FCHO2: variants seen among roughly 807,000 people sequenced by gnomAD.
FCHO2 encodes FCH and mu domain containing endocytic adaptor 2.
Under a neutral mutation model 114.1 loss-of-function variants are expected in FCHO2, and 43 were observed. The ratio of observed to expected loss-of-function variants is 0.38; its 90% CI spans 0.30 to 0.49. The LOEUF (loss-of-function observed/expected upper bound fraction) is 0.49, where lower values mean the gene tolerates loss of function less well. Ranked by LOEUF, FCHO2 falls within the 20% of genes least tolerant of loss-of-function variation. The probability of loss-of-function intolerance (pLI) is 0.97; values close to 1 mark genes in which losing one functional copy is unlikely to be tolerated. For synonymous variants in FCHO2, 293 were observed against 315.2 expected (o/e 0.93, Z 0.75); for missense variants, 807 against 950.4 (o/e 0.85, Z 1.98).
intron 2 of FCHO2, among the ~76,000 whole-genome samples, chr5:72,977,468 G>C (rs1752953461): frequency 1.3e-5 from 2 of 152,020 alleles, no homozygotes; most frequent in African/African-American, 4.8e-5. Context: ...CTTTTTGATG[G>C]GGTTGTTTTT....
At chr5:73,039,679 G>A (rs1257430669) in intron 10 of FCHO2, among the ~76,000 whole-genome samples, 1 of 146,146 alleles carries the variant, frequency 6.8e-6, no homozygotes, top group Non-Finnish European at 1.5e-5. Context: ...TGTAAACCCA[G>A]CATTTTGGGA....
At chr5:73,046,166 G>A (rs1757044737) in intron 11 of FCHO2, among the ~76,000 whole-genome samples, 1 of 152,206 alleles carries the variant, frequency 6.6e-6, no homozygotes, top group Non-Finnish European at 1.5e-5. Flanking sequence ...CTTGGCTCAA[G>A]TGATCCTTCC....
intron 11 of FCHO2, among the ~76,000 whole-genome samples, chr5:73,044,910 C>A (rs1756983057): frequency 1.3e-5 from 2 of 151,910 alleles, no homozygotes. Flanking sequence ...CTGTATGGGC[C>A]CTAATATAGA....
intron 9 of FCHO2, 114 bp downstream of exon 9, chr5:73,034,815 G>A (rs1663752726): frequency 1.3e-6 from 1 of 754,202 alleles, no homozygotes; most frequent in Non-Finnish European, 2.0e-6. Context: ...CCTATGGAAT[G>A]GAATGCTGTA....
At chr5:72,973,697 T>A (rs1268921838) in intron 2 of FCHO2, among the ~76,000 whole-genome samples, 2 of 150,612 alleles carry the variant, frequency 1.3e-5, no homozygotes, top group African/African-American at 4.9e-5. Context: ...TGTGTCTCTA[T>A]TTCCTTCAGT....
rs1338990150 is a variant in FCHO2, at chr5:73,088,712, T to C, written c.*622T>C. The stretch of plus-strand genomic sequence containing the variant: ...TTTTAAAAAAAATTCTCAAGTGCAA[T>C]GTGTTTTAAAATAAGCTTGCAAATG... On this transcript the variant is annotated 3_prime_UTR_variant, in exon 26 of 26. Transcript: ENST00000430046. The C allele has an allele frequency of 6.6e-6, 1 of 152,636 alleles. No individual in the cohort carries two copies. The highest frequency in any genetic ancestry group is 1.9e-4 in the East Asian group (1 of 5,200). 9.5% of individuals were successfully genotyped at this position (152,636 alleles called of 1,614,324 possible).
At chr5:73,009,032 G>A (rs1396862151) in intron 6 of FCHO2, among the ~76,000 whole-genome samples, 1 of 152,200 alleles carries the variant, frequency 6.6e-6, no homozygotes, top group Non-Finnish European at 1.5e-5. Flanking sequence ...GGGCCTCAGG[G>A]CCAAGCTCTG....
At chr5:73,087,971 G>A in intron 25 of FCHO2, 97 bp from the exon 26 acceptor site, 1 of 1,520,510 alleles carries the variant, frequency 6.6e-7, no homozygotes, top group South Asian at 1.2e-5. Context: ...GTAAATAGCA[G>A]ATGGGAACTA....
At chr5:73,077,254 G>C (rs1742943606) in intron 20 of FCHO2, 84 bp from the exon 21 acceptor site, 1 of 1,252,168 alleles carries the variant, frequency 8.0e-7, no homozygotes, top group Non-Finnish European at 1.1e-6. Context: ...GTGCGCACGT[G>C]CACGCGTGTG....
At chr5:73,068,102 A>C (rs1479366999) in intron 18 of FCHO2, among the ~76,000 whole-genome samples, 1 of 152,094 alleles carries the variant, frequency 6.6e-6, no homozygotes, top group Non-Finnish European at 1.5e-5. Flanking sequence ...AAGGAGGAAA[A>C]TATTTGCAAG....
intron 5 of FCHO2, 120 bp downstream of exon 5, chr5:72,990,984 A>C (rs1300022873): frequency 1.7e-6 from 2 of 1,146,344 alleles, no homozygotes; most frequent in African/African-American, 3.1e-5. Flanking sequence ...ACTGTGCCTT[A>C]CAGTCCTAGT....
At chr5:72,990,902 GC>G in intron 5 of FCHO2, 38 bp downstream of exon 5, 2 of 1,511,790 alleles carry the variant, frequency 1.3e-6, no homozygotes. Context: ...TGGTTTCAAA[GC>G]ACCTTGACAT....
At position 73,019,498 on chromosome 5, in the gene FCHO2, G is replaced by A. The variant is rs555042205; in HGVS notation, c.796+2190G>A. 1.2e-4 allele frequency among the ~76,000 whole-genome samples: 18 copies of A among 152,172 alleles called. No individual in the cohort carries two copies. The South Asian group carries it at 2.9e-3, about 25-fold the overall frequency. ...GGAGGTTGCAGTGAGCCAAGATTGC[G>A]CCATTGCACTCCAGCCTGGGTGACA... is the stretch of plus-strand genomic sequence containing the variant. On this transcript the variant is annotated intron_variant, in intron 8 of 25. Coordinates refer to ENST00000430046, the MANE Select transcript of FCHO2 (RefSeq NM_138782.3).
chr5:72,968,000 C>G (rs561914430), intron 1 of FCHO2, among the ~76,000 whole-genome samples: 1 of 151,700 alleles, frequency 6.6e-6, no homozygotes, highest in South Asian at 2.1e-4. Context: ...TCCCGGCTCA[C>G]TGCAAGCTCT....
At chr5:73,082,617 AT>A in intron 23 of FCHO2, 143 bp from the exon 24 acceptor site, 1 of 675,480 alleles carries the variant, frequency 1.5e-6, no homozygotes. Context: ...TCATAAACAC[AT>A]TTTCACCAGT....
chr5:73,087,882 G>A, intron 25 of FCHO2, 129 bp downstream of exon 25: 3 of 1,402,042 alleles, frequency 2.1e-6, no homozygotes, highest in South Asian at 2.8e-5. Context: ...TTGGTACAAG[G>A]TGCCAGGTAG....
chr5:73,067,072 G>T (rs954620713), intron 18 of FCHO2, among the ~76,000 whole-genome samples: 5 of 152,048 alleles, frequency 3.3e-5, no homozygotes, highest in African/African-American at 1.2e-4. Flanking sequence ...TTGTGTGTAT[G>T]CTGTGTCTTC....
intron 2 of FCHO2, among the ~76,000 whole-genome samples, chr5:72,972,676 A>T (rs1752624320): frequency 6.6e-6 from 1 of 152,288 alleles, no homozygotes; most frequent in Non-Finnish European, 1.5e-5. Context: ...CTCTTTTCCT[A>T]GTTGAATGCC....
intron 18 of FCHO2, among the ~76,000 whole-genome samples, chr5:73,064,739 T>C (rs759099799): frequency 3.3e-5 from 5 of 151,948 alleles, no homozygotes; most frequent in Non-Finnish European, 7.4e-5. Flanking sequence ...CTTGAAACTT[T>C]TCAGGGTTCC....
Sources: allele counts gnomAD v4.1 joint callset (sites outside exome capture counted in the v4.1 genomes callset), GRCh38; gene constraint gnomAD v4.1.1; transcripts MANE v1.5; gene names NCBI Gene and HGNC (gene_info 2026-07-23, HGNC 2026-07-21).